The following ADAMTSL1 variants were observed in gnomAD, a reference collection of about 807,000 sequenced individuals.
The protein encoded by ADAMTSL1 is ADAMTS-like protein 1.
A neutral mutation model predicts 201.8 loss-of-function variants in ADAMTSL1; 126 were observed. That is an observed-to-expected ratio of 0.62 (90% confidence interval 0.54 to 0.72). ADAMTSL1 has a LOEUF of 0.72. ADAMTSL1 is among the 30% of genes least tolerant of loss of function. ADAMTSL1 has a pLI of 0.00. For missense variants in ADAMTSL1, 2,679 were observed against 2,277.8 expected, an observed-to-expected ratio of 1.18 and a Z score of -3.59; for synonymous variants, 1,121 against 903.4, an observed-to-expected ratio of 1.24 and a Z score of -4.32.
At chr9:18,239,975 G>A (rs1039710189) in intron 2 of ADAMTSL1, among the ~76,000 whole-genome samples, 4 of 152,114 alleles carry the variant, frequency 2.6e-5, no homozygotes, top group Non-Finnish European at 5.9e-5. Context: ...AAGTCTTGAT[G>A]TTCTCAAAGT....
At chr9:18,134,727 A>C (rs1215142143) in intron 1 of ADAMTSL1, among the ~76,000 whole-genome samples, 1 of 152,200 alleles carries the variant, frequency 6.6e-6, no homozygotes, top group African/African-American at 2.4e-5. Flanking sequence ...ATATAGGGAG[A>C]TGAATTCACT....
rs771115371 is a variant in ADAMTSL1 at position 18,680,462 on chromosome 9, G to A, written c.1287G>A (p.Ala429=). The part of the protein sequence containing the change: ...KCMYTPKMPI[A]QPCNIFDCPK... ...TGTACACCCCTAAGATGCCCATCGC[G>A]CAGCCCTGCAACATTTTTGACTGCC... The change falls in exon 11 of 29, where the codon GCG becomes GCA. Residue 429 remains alanine, a synonymous_variant. Coordinates refer to ENST00000380548, the MANE Select transcript of ADAMTSL1 (RefSeq NM_001040272.6). The A allele has an allele frequency of 2.2e-5, 35 of 1,614,014 alleles. No homozygotes were observed. Among genetic ancestry groups the A allele is most frequent in the South Asian group, 4.4e-5 (4 of 91,074 alleles).
In ADAMTSL1 at chr9:18,776,903, A is replaced by G; in HGVS notation, c.2674A>G (p.Lys892Glu). The change falls in exon 19 of 29, where the codon AAG becomes GAG. Residue 892 changes from lysine (K) to glutamate (E), a missense_variant. Coordinates refer to ENST00000380548, the MANE Select transcript of ADAMTSL1 (RefSeq NM_001040272.6). ...GGGGGGCTTCGCCTACCTGCTCCCCAAGACGGCGGTGGTGCTGCGCTGCCC... is the reference window on the plus strand; with the variant it reads ...GGGGGGCTTCGCCTACCTGCTCCCCGAGACGGCGGTGGTGCTGCGCTGCCC... ...VVGGFAYLLP[K>E]TAVVLRCPAR... 2 of 1,610,280 alleles carry G rather than the reference A, an allele frequency of 1.2e-6. No individual in the cohort carries two copies.
intron 1 of ADAMTSL1, among the ~76,000 whole-genome samples, chr9:18,001,342 C>G (rs1409839014): frequency 1.3e-5 from 2 of 151,990 alleles, no homozygotes; most frequent in Non-Finnish European, 2.9e-5. Flanking sequence ...ATGAATAAAT[C>G]ATGGCACAGT....
At chr9:18,328,673 T>C (rs1184396851) in intron 2 of ADAMTSL1, among the ~76,000 whole-genome samples, 1 of 152,180 alleles carries the variant, frequency 6.6e-6, no homozygotes, top group Non-Finnish European at 1.5e-5. Context: ...CTTAGTGTCA[T>C]TTGTGCCTAA....
At chr9:18,291,855 C>A (rs1271479549) in intron 2 of ADAMTSL1, among the ~76,000 whole-genome samples, 1 of 151,826 alleles carries the variant, frequency 6.6e-6, no homozygotes, top group African/African-American at 2.4e-5. Flanking sequence ...ACTAAGAATG[C>A]CGTTGCCTGT....
chr9:18,300,325 G>A (rs1833655195), intron 2 of ADAMTSL1, among the ~76,000 whole-genome samples: 1 of 152,148 alleles, frequency 6.6e-6, no homozygotes, highest in East Asian at 1.9e-4. Context: ...CGTGGATGAA[G>A]CTGGAAACCA....
chr9:18,022,970 C>T (rs1042241823), intron 1 of ADAMTSL1, among the ~76,000 whole-genome samples: 2 of 151,974 alleles, frequency 1.3e-5, no homozygotes, highest in African/African-American at 4.8e-5. Flanking sequence ...TTTCTCTTAC[C>T]CTCTTCCTCT....
At chr9:18,053,182 A>G (rs1822012609) in intron 1 of ADAMTSL1, among the ~76,000 whole-genome samples, 1 of 152,178 alleles carries the variant, frequency 6.6e-6, no homozygotes, top group Non-Finnish European at 1.5e-5. Flanking sequence ...GTTGGACTTC[A>G]TGGAGAAGGG....
chr9:18,594,458 C>G (rs546917775), intron 4 of ADAMTSL1, among the ~76,000 whole-genome samples: 84 of 152,220 alleles, frequency 5.5e-4, no homozygotes, highest in Middle Eastern at 6.8e-3. Context: ...ACCAGTAACT[C>G]AAATATTTGC....
chr9:18,776,511 C>T (rs1821002888), intron 18 of ADAMTSL1, among the ~76,000 whole-genome samples: 1 of 152,188 alleles, frequency 6.6e-6, no homozygotes, highest in African/African-American at 2.4e-5. Context: ...TTGGGTTGCC[C>T]ACTGCATCTC....
chr9:18,748,271 T>C (rs1377443166), intron 15 of ADAMTSL1, among the ~76,000 whole-genome samples: 7 of 152,190 alleles, frequency 4.6e-5, no homozygotes, highest in African/African-American at 1.4e-4. Context: ...AAAGAAACCA[T>C]AGCAGTCATG....
intron 2 of ADAMTSL1, among the ~76,000 whole-genome samples, chr9:18,376,667 A>G (rs560256084): frequency 2.6e-5 from 4 of 152,224 alleles, no homozygotes; most frequent in Admixed American, 1.3e-4. Flanking sequence ...TTAGCTGAGC[A>G]TGGTGGAACC....
At chr9:18,382,702 G>A (rs1423541037) in intron 2 of ADAMTSL1, among the ~76,000 whole-genome samples, 1 of 152,070 alleles carries the variant, frequency 6.6e-6, no homozygotes, top group Non-Finnish European at 1.5e-5. Flanking sequence ...GAATATGTGT[G>A]AGACTGCATT....
intron 1 of ADAMTSL1, among the ~76,000 whole-genome samples, chr9:17,915,403 T>C (rs1397363877): frequency 1.3e-5 from 2 of 152,238 alleles, no homozygotes; most frequent in African/African-American, 4.8e-5. Flanking sequence ...TCGCTGCTTT[T>C]ATTCCTGAGT....
chr9:18,806,433 ACT>A (rs1242838844), intron 20 of ADAMTSL1, among the ~76,000 whole-genome samples: 1 of 152,108 alleles, frequency 6.6e-6, no homozygotes, highest in Non-Finnish European at 1.5e-5. Flanking sequence ...ATAGCAAGTC[ACT>A]CTCTGCCATG....
At chr9:18,727,790 C>G (rs1441442611) in intron 15 of ADAMTSL1, among the ~76,000 whole-genome samples, 1 of 152,134 alleles carries the variant, frequency 6.6e-6, no homozygotes, top group Non-Finnish European at 1.5e-5. Context: ...TTGATGATAT[C>G]ACTTTGCGGC....
chr9:18,460,658 A>T (rs936556999), intron 2 of ADAMTSL1, among the ~76,000 whole-genome samples: 1 of 152,208 alleles, frequency 6.6e-6, no homozygotes, highest in Non-Finnish European at 1.5e-5. Flanking sequence ...CGCTACGCTC[A>T]GCTTCTTTTC....
chr9:17,984,266 A>G (rs1333031531), intron 1 of ADAMTSL1, among the ~76,000 whole-genome samples: 3 of 152,142 alleles, frequency 2.0e-5, no homozygotes, highest in African/African-American at 7.2e-5. Flanking sequence ...AGTAAATTTC[A>G]TACTCTCAGC....
Sources: allele counts gnomAD v4.1 joint callset (sites outside exome capture counted in the v4.1 genomes callset), GRCh38; gene constraint gnomAD v4.1.1; transcripts MANE v1.5; gene names NCBI Gene and HGNC (gene_info 2026-07-23, HGNC 2026-07-21).